The following ENDOD1 variants were observed in gnomAD, a reference collection of about 807,000 sequenced individuals.
The protein encoded by ENDOD1 is endonuclease domain-containing 1 protein.
Under a neutral mutation model 6.5 loss-of-function variants are expected in ENDOD1, and 9 were observed. That is an observed-to-expected ratio of 1.39 (90% CI 0.84 to 2.43). The LOEUF is 2.43. Among genes scored for constraint, ENDOD1 ranks in the 30% most tolerant of loss-of-function variants. The pLI, the probability that ENDOD1 is intolerant of heterozygous loss-of-function variation, is 0.00. For synonymous variants in ENDOD1, 255 were observed against 255.2 expected (o/e 1.00, Z 0.01); for missense variants, 648 against 635.5 (o/e 1.02, Z -0.21).
At chr11:95,108,094 C>G (rs765878835) in intron 1 of ENDOD1, among the ~76,000 whole-genome samples, 19 of 152,210 alleles carry the variant, frequency 1.2e-4, no homozygotes, top group Non-Finnish European at 2.4e-4. Flanking sequence ...TCACACAGGG[C>G]TTTCTTGCCT....
At chr11:95,126,584 A>G (rs1859314201) in intron 1 of ENDOD1, among the ~76,000 whole-genome samples, 1 of 152,238 alleles carries the variant, frequency 6.6e-6, no homozygotes, top group Non-Finnish European at 1.5e-5. Context: ...GGCTTTTAAA[A>G]AAGTGATTAT....
intron 1 of ENDOD1, among the ~76,000 whole-genome samples, chr11:95,102,619 C>T (rs937531990): frequency 2.6e-5 from 4 of 152,322 alleles, no homozygotes; most frequent in Non-Finnish European, 5.9e-5. Context: ...TTGCAGTGAG[C>T]TGAGATCGCA....
rs1858915552 is a variant in ENDOD1 at position 95,090,235 on chromosome 11, A to G, written c.300+8A>G. 2 of 1,366,808 alleles carry G rather than the reference A, an allele frequency of 1.5e-6. No individual in the cohort carries two copies. The highest frequency in any genetic ancestry group is 1.9e-6 in the Non-Finnish European group (2 of 1,052,662). 84.7% of individuals were successfully genotyped at this position (1,366,808 alleles called of 1,614,324 possible). A position where few individuals can be genotyped will look rare whatever the true frequency, so the allele number is the denominator to read the frequency against. ...TGGCTGGTGGAGCCGCAGGTAAGCG[A>G]AGTGGTTCCCGAGCCGGGCTGCGGG... On this transcript the variant is annotated splice_region_variant and intron_variant, in intron 1 of 1. Transcript: ENST00000278505.
At chr11:95,119,425 A>G (rs1859241505) in intron 1 of ENDOD1, among the ~76,000 whole-genome samples, 1 of 152,250 alleles carries the variant, frequency 6.6e-6, no homozygotes, top group Admixed American at 6.5e-5. Flanking sequence ...TAGTGGTACC[A>G]CTTTGATAGT....
At chr11:95,092,311 T>C (rs1555109942) in intron 1 of ENDOD1, among the ~76,000 whole-genome samples, 1 of 151,720 alleles carries the variant, frequency 6.6e-6, no homozygotes, top group Admixed American at 6.6e-5. Context: ...AGGGATCAGG[T>C]GGGGAGGAGC....
chr11:95,095,977 A>G (rs1366251953), intron 1 of ENDOD1, among the ~76,000 whole-genome samples: 17 of 152,178 alleles, frequency 1.1e-4, no homozygotes, highest in Non-Finnish European at 4.4e-5. Context: ...TGGTTTCACT[A>G]CTAACATACC....
chr11:95,114,878 G>A (rs1166931324), intron 1 of ENDOD1, among the ~76,000 whole-genome samples: 2 of 152,154 alleles, frequency 1.3e-5, no homozygotes, highest in Non-Finnish European at 2.9e-5. Context: ...CCAGTAACAT[G>A]CTGTTTAGGT....
At chr11:95,098,640 A>C (rs1203768855) in intron 1 of ENDOD1, among the ~76,000 whole-genome samples, 1 of 152,006 alleles carries the variant, frequency 6.6e-6, no homozygotes, top group Non-Finnish European at 1.5e-5. Context: ...CCTTCAAGTA[A>C]GTACAGTCTA....
At chr11:95,110,400 C>T (rs1859136048) in intron 1 of ENDOD1, among the ~76,000 whole-genome samples, 1 of 152,188 alleles carries the variant, frequency 6.6e-6, no homozygotes, top group South Asian at 2.1e-4. Context: ...CAAGAACCTA[C>T]CATATACAGA....
At position 95,130,730 on chromosome 11, in the gene ENDOD1, G is replaced by C. The variant is rs1426039721; in HGVS notation, c.*1151G>C. 1 of 152,228 alleles carries C rather than the reference G, an allele frequency of 6.6e-6. No individual in the cohort carries two copies. Among genetic ancestry groups the C allele is most frequent in the South Asian group, 2.1e-4 (1 of 4,832 alleles). 9.4% of individuals were successfully genotyped at this position (152,228 alleles called of 1,614,324 possible). ...TATATCTTAGGAAATTATTTTTACA[G>C]TGTGTTTGAGGCTACAAACATAACT... On this transcript the variant is annotated 3_prime_UTR_variant, in exon 2 of 2. Transcript: ENST00000278505.
chr11:95,096,304 C>G (rs1858985285), intron 1 of ENDOD1, among the ~76,000 whole-genome samples: 1 of 115,850 alleles, frequency 8.6e-6, no homozygotes, highest in Admixed American at 1.2e-4. Flanking sequence ...GTGACTTACC[C>G]TTTCATTTTC....
intron 1 of ENDOD1, among the ~76,000 whole-genome samples, chr11:95,113,303 A>G (rs1230128329): frequency 6.6e-6 from 1 of 152,008 alleles, no homozygotes; most frequent in Non-Finnish European, 1.5e-5. Flanking sequence ...GACTATATTC[A>G]CCCTATTGTG....
Position 95,128,275 on chromosome 11 carries a change from A to G in ENDOD1, c.301-102A>G. On this transcript the variant is annotated intron_variant, in intron 1 of 1. Transcript: ENST00000278505. ...CTTCCAAACTCAAGCGTTTGAAGTA[A>G]TAGACCAGTGGGGACTTCTCCAGAG... 4.4e-6 allele frequency: 6 copies of G among 1,375,034 alleles called. 1 individual carries two copies. The South Asian group carries it at 8.4e-5, about 19-fold the overall frequency. 85.2% of individuals were successfully genotyped at this position (1,375,034 alleles called of 1,614,324 possible).
chr11:95,129,700 G>C lies in ENDOD1; in HGVS notation c.*121G>C, dbSNP rs554709807. On this transcript the variant is annotated 3_prime_UTR_variant, in exon 2 of 2. Coordinates refer to ENST00000278505, the MANE Select transcript of ENDOD1 (RefSeq NM_015036.3). Reference sequence around the variant, plus strand: ...ATTTTGGCCTTTGGTGGGGATGTCTGCTTGTTTTTGCAAAAGAAGATGGCA... The same window carrying C: ...ATTTTGGCCTTTGGTGGGGATGTCTCCTTGTTTTTGCAAAAGAAGATGGCA... 9.3e-7 allele frequency: 1 copy of C among 1,071,348 alleles called. No homozygotes were observed. Among genetic ancestry groups the C allele is most frequent in the East Asian group, 2.4e-5 (1 of 40,856 alleles). 66.4% of individuals were successfully genotyped at this position (1,071,348 alleles called of 1,614,324 possible). A position where few individuals can be genotyped will look rare whatever the true frequency, so the allele number is the denominator to read the frequency against.
At chr11:95,103,047 A>G (rs983406057) in intron 1 of ENDOD1, among the ~76,000 whole-genome samples, 2 of 149,788 alleles carry the variant, frequency 1.3e-5, no homozygotes, top group Admixed American at 6.7e-5. Flanking sequence ...GTACCATTCT[A>G]TTTTTCAATT....
intron 1 of ENDOD1, among the ~76,000 whole-genome samples, chr11:95,090,447 G>A (rs1408936794): frequency 4.3e-5 from 6 of 140,388 alleles, no homozygotes; most frequent in African/African-American, 1.6e-4. Context: ...GGCGATCTGC[G>A]AGCCTTCACT....
At chr11:95,096,227 CTTTTT>C (rs10660230) in intron 1 of ENDOD1, among the ~76,000 whole-genome samples, 10 of 49,964 alleles carry the variant, frequency 2.0e-4, no homozygotes, top group South Asian at 1.1e-3. Context: ...GTCAAGAAAG[CTTTTT>C]TTTTTTTTTT....
chr11:95,089,854 C>A lies in ENDOD1; in HGVS notation c.-74C>A. On this transcript the variant is annotated 5_prime_UTR_variant, in exon 1 of 2. Transcript: ENST00000278505. ...CTACCCTGCTCGGCTGCGTAGTGCG[C>A]TCCCCGCCCAGCCTGCAGAGCTCGC... 8.0e-7 allele frequency: 1 copy of A among 1,256,330 alleles called. No homozygotes were observed. The highest frequency in any genetic ancestry group is 1.0e-6 in the Non-Finnish European group (1 of 998,874). 77.8% of individuals were successfully genotyped at this position (1,256,330 alleles called of 1,614,324 possible).
At chr11:95,109,937 C>G (rs1162254380) in intron 1 of ENDOD1, among the ~76,000 whole-genome samples, 1 of 152,284 alleles carries the variant, frequency 6.6e-6, no homozygotes, top group Non-Finnish European at 1.5e-5. Context: ...ATATCCACCA[C>G]ACCTAGGCCA....
Sources: allele counts gnomAD v4.1 joint callset (sites outside exome capture counted in the v4.1 genomes callset), GRCh38; gene constraint gnomAD v4.1.1; transcripts MANE v1.5; gene names NCBI Gene and HGNC (gene_info 2026-07-23, HGNC 2026-07-21).